The following ASIC2 variants were observed in gnomAD, a reference collection of about 807,000 sequenced individuals.
ASIC2 encodes the protein acid-sensing ion channel 2.
Under a neutral mutation model 57.3 loss-of-function variants are expected in ASIC2, and 25 were observed. That is an observed-to-expected ratio of 0.44 (90% confidence interval 0.32 to 0.61). The LOEUF (loss-of-function observed/expected upper bound fraction) is 0.61. ASIC2 is among the 20% of genes least tolerant of loss of function. The pLI is 0.06. For synonymous variants in ASIC2, 319 were observed against 307.5 expected, an observed-to-expected ratio of 1.04 and a Z score of -0.39; for missense variants, 641 against 738.1, an observed-to-expected ratio of 0.87 and a Z score of 1.52.
At chr17:34,041,314 C>A (rs982871718) in intron 1 of ASIC2, 3 of 152,196 alleles carry the variant, frequency 2.0e-5, no homozygotes, top group African/African-American at 7.2e-5. Flanking sequence ...CCCAGGAGAG[C>A]CTCTGAACAT....
intron 3 of ASIC2, among the ~76,000 whole-genome samples, chr17:33,087,687 C>G (rs1234200586): frequency 6.6e-6 from 1 of 150,694 alleles, no homozygotes; most frequent in Non-Finnish European, 1.5e-5. Flanking sequence ...TCCAACCGCC[C>G]AAGTAGCTGG....
At chr17:33,993,683 T>C (rs1906068260) in intron 1 of ASIC2, among the ~76,000 whole-genome samples, 1 of 152,214 alleles carries the variant, frequency 6.6e-6, no homozygotes, top group African/African-American at 2.4e-5. Flanking sequence ...CATAAATGGA[T>C]ACATCTGGAT....
chr17:33,676,000 G>C (rs1907807241), intron 1 of ASIC2, among the ~76,000 whole-genome samples: 1 of 152,152 alleles, frequency 6.6e-6, no homozygotes, highest in Admixed American at 6.5e-5. Flanking sequence ...CTGTCTCTAT[G>C]ATGTCACATT....
chr17:33,529,089 G>A (rs918049448), intron 1 of ASIC2, among the ~76,000 whole-genome samples: 1 of 152,206 alleles, frequency 6.6e-6, no homozygotes, highest in African/African-American at 2.4e-5. Flanking sequence ...AGCTTCCAAG[G>A]CTGAATCCAA....
At chr17:33,265,619 T>C (rs1262271199) in intron 1 of ASIC2, among the ~76,000 whole-genome samples, 6 of 152,086 alleles carry the variant, frequency 3.9e-5, no homozygotes, top group Non-Finnish European at 5.9e-5. Flanking sequence ...TATTTACCTA[T>C]GTAAGAAACC....
At position 33,937,640 on chromosome 17, in the gene ASIC2, T is replaced by C. The variant is rs1193959677; in HGVS notation, c.555+218338A>G. Among the ~76,000 whole-genome samples the C allele has an allele frequency of 3.9e-5, 6 of 152,198 alleles. No homozygotes were observed. The East Asian group carries it at 1.2e-3, about 29-fold the overall frequency. On this transcript the variant is annotated intron_variant, in intron 1 of 9. Coordinates refer to the ASIC2 transcript ENST00000359872. ...TCTTCTACTTAAGGCTATCACAAAC[T>C]TTCCTATGTTGGTATAAACATATTT...
At chr17:33,877,643 A>T (rs446351) in intron 1 of ASIC2, among the ~76,000 whole-genome samples, 1 of 152,088 alleles carries the variant, frequency 6.6e-6, no homozygotes, top group Non-Finnish European at 1.5e-5. Flanking sequence ...ACTGCAGCTC[A>T]AGGAGGCCTG....
intron 1 of ASIC2, among the ~76,000 whole-genome samples, chr17:33,690,937 G>T (rs1210096868): frequency 6.6e-6 from 1 of 151,738 alleles, no homozygotes; most frequent in Non-Finnish European, 1.5e-5. Flanking sequence ...TTTTAGTAGA[G>T]ACGGGGTTTC....
intron 1 of ASIC2, among the ~76,000 whole-genome samples, chr17:33,490,762 A>G (rs1350126081): frequency 6.6e-6 from 1 of 152,192 alleles, no homozygotes; most frequent in African/African-American, 2.4e-5. Flanking sequence ...GCAGTGTGAG[A>G]ACAGACTAAT....
intron 1 of ASIC2, among the ~76,000 whole-genome samples, chr17:33,272,464 AG>A (rs1273628776): frequency 6.6e-6 from 1 of 152,234 alleles, no homozygotes; most frequent in Non-Finnish European, 1.5e-5. Flanking sequence ...ATTCTGAAGT[AG>A]ATTTTAGGTG....
At chr17:33,394,408 CAG>C (rs564072523) in intron 1 of ASIC2, among the ~76,000 whole-genome samples, 16 of 152,212 alleles carry the variant, frequency 1.1e-4, no homozygotes, top group Non-Finnish European at 2.2e-4. Context: ...GCCTCACCAC[CAG>C]AGTTTCAGAT....
At chr17:33,145,553 C>G (rs1422399284) in intron 1 of ASIC2, among the ~76,000 whole-genome samples, 1 of 152,236 alleles carries the variant, frequency 6.6e-6, no homozygotes, top group East Asian at 1.9e-4. Flanking sequence ...TTTCAGACTT[C>G]TAACACATGC....
intron 2 of ASIC2, among the ~76,000 whole-genome samples, chr17:33,091,451 G>A (rs986721781): frequency 4.6e-5 from 7 of 152,198 alleles, no homozygotes; most frequent in Admixed American, 2.0e-4. Flanking sequence ...AGCTGAAGCC[G>A]TGTGTGCCTG....
At chr17:33,994,221 G>A (rs927665740) in intron 1 of ASIC2, among the ~76,000 whole-genome samples, 3 of 152,204 alleles carry the variant, frequency 2.0e-5, no homozygotes, top group Non-Finnish European at 2.9e-5. Flanking sequence ...TGCTCAATAT[G>A]TGTCAGCTGC....
intron 8 of ASIC2, among the ~76,000 whole-genome samples, chr17:33,017,153 G>A (rs2091810670): frequency 6.6e-6 from 1 of 152,188 alleles, no homozygotes; most frequent in African/African-American, 2.4e-5. Flanking sequence ...AAGACTGGCT[G>A]GGCCACAGAG....
intron 1 of ASIC2, among the ~76,000 whole-genome samples, chr17:33,699,844 A>C (rs1011099194): frequency 1.3e-5 from 2 of 152,254 alleles, no homozygotes; most frequent in Admixed American, 6.5e-5. Flanking sequence ...AGAGATAATA[A>C]TAGTGCCCAT....
At chr17:33,864,878 C>A (rs1914191639) in intron 1 of ASIC2, among the ~76,000 whole-genome samples, 1 of 151,498 alleles carries the variant, frequency 6.6e-6, no homozygotes, top group Admixed American at 6.6e-5. Flanking sequence ...CCATGGCTTG[C>A]AAACAAAAAC....
chr17:34,021,803 G>T (rs1325156502), intron 1 of ASIC2, among the ~76,000 whole-genome samples: 1 of 150,972 alleles, frequency 6.6e-6, no homozygotes, highest in Admixed American at 6.6e-5. Context: ...GGAGCCAGGG[G>T]CTTTTTTTTG....
intron 3 of ASIC2, among the ~76,000 whole-genome samples, chr17:33,037,333 G>A (rs1252276216): frequency 6.6e-6 from 1 of 151,248 alleles, no homozygotes; most frequent in Non-Finnish European, 1.5e-5. Flanking sequence ...AATGAATGTA[G>A]CTGGTGAAGC....
Sources: gnomAD v4.1 joint callset for allele counts (sites outside exome capture counted in the v4.1 genomes callset) on GRCh38, gnomAD v4.1.1 for gene constraint, MANE v1.5 for transcripts, NCBI Gene and HGNC (gene_info 2026-07-23, HGNC 2026-07-21) for gene names.